The following TENM1 variants were observed in gnomAD, a reference collection of about 807,000 sequenced individuals.
The protein encoded by TENM1 is teneurin-1.
Under a neutral mutation model 174.8 loss-of-function variants are expected in TENM1, and 35 were observed. The ratio of observed to expected loss-of-function variants is 0.20; its 90% CI spans 0.15 to 0.27. TENM1 has a LOEUF of 0.27. Among genes scored for constraint, TENM1 ranks in the 10% least tolerant of loss-of-function variants. The pLI, the probability that TENM1 is intolerant of heterozygous loss-of-function variation, is 1.00. For missense variants in TENM1, 1,633 were observed against 2,130.1 expected (o/e 0.77, Z 4.59); for synonymous variants, 781 against 798.7 (o/e 0.98, Z 0.37).
chrX:124,975,394 T>C, the TENM1 span, among the ~76,000 whole-genome samples: 13 of 112,059 alleles, frequency 1.2e-4, no homozygotes, highest in Non-Finnish European at 1.3e-4. Flanking sequence ...AATTTTATAG[T>C]AATTTTAGCA....
intron 3 of TENM1, among the ~76,000 whole-genome samples, chrX:124,893,781 G>T (rs757165769): frequency 2.8e-5 from 3 of 106,390 alleles, no homozygotes; most frequent in African/African-American, 1.2e-4. Flanking sequence ...TTACAGAAGA[G>T]AATGAACATT....
intron 11 of TENM1, among the ~76,000 whole-genome samples, chrX:124,582,326 C>T (rs2049340383): frequency 9.0e-6 from 1 of 111,196 alleles, no homozygotes; most frequent in Non-Finnish European, 1.9e-5. Flanking sequence ...TTGTTTTTTC[C>T]TTGTTCAATT....
In TENM1 at chrX:124,402,095, T is replaced by G. The variant is rs1176589620; in HGVS notation, c.5391+2936A>C. ...ACCTGCATTTTAGCTCTGGCTCTGA[T>G]CCTTAATAGCTGGTTGACTTTGGGC... On this transcript the variant is annotated intron_variant, in intron 27 of 31. Coordinates refer to ENST00000422452, the Ensembl canonical transcript of TENM1. Among the ~76,000 whole-genome samples, 3 of 112,165 alleles carry G rather than the reference T, an allele frequency of 2.7e-5. No homozygotes were observed. The South Asian group carries it at 1.1e-3, about 42-fold the overall frequency.
intron 11 of TENM1, among the ~76,000 whole-genome samples, chrX:124,580,508 A>G (rs2049278603): frequency 1.8e-5 from 2 of 109,418 alleles, no homozygotes; most frequent in South Asian, 7.9e-4. Context: ...ATGTGTGTGT[A>G]TATATATGCA....
At chrX:124,805,582 C>T (rs945651130) in intron 3 of TENM1, among the ~76,000 whole-genome samples, 1 of 112,783 alleles carries the variant, frequency 8.9e-6, no homozygotes, top group African/African-American at 3.2e-5. Context: ...CAATGTGTGT[C>T]CCTGCTGGAT....
chrX:124,572,431 G>A (rs1367055449), intron 11 of TENM1, among the ~76,000 whole-genome samples: 2 of 111,358 alleles, frequency 1.8e-5, no homozygotes, highest in Non-Finnish European at 3.8e-5. Context: ...CTAAAAGATA[G>A]CTTACTGAGT....
rs763650152 is a variant in TENM1, at chrX:124,384,399, G to A, written c.6532C>T (p.Arg2178Cys). 6.6e-6 allele frequency: 8 copies of A among 1,208,594 alleles called. No homozygotes were observed. The highest frequency in any genetic ancestry group is 4.4e-5 in the Admixed American group (2 of 45,638). ...TTTCCATTCAGATCGTAACTATAAC[G>A]CCACTGGGTTTTGTCATTTACAGAA... Residue 2178 changes from arginine (R) to cysteine (C), a missense_variant, in exon 30 of 32, where the codon CGT becomes TGT. Arg to Cys is a radical substitution (Grantham distance 180, BLOSUM62 -3). Transcript: ENST00000422452.
intron 1 of TENM1, among the ~76,000 whole-genome samples, chrX:124,952,992 G>A (rs1030095049): frequency 2.7e-5 from 3 of 111,240 alleles, no homozygotes; most frequent in Non-Finnish European, 5.7e-5. Flanking sequence ...TTTATCTTCC[G>A]TCACCTCTAG....
the TENM1 span, among the ~76,000 whole-genome samples, chrX:125,035,525 C>T: frequency 9.0e-6 from 1 of 110,999 alleles, no homozygotes; most frequent in South Asian, 3.8e-4. Flanking sequence ...GCCCAACATC[C>T]AAAACTCTGC....
the TENM1 span, among the ~76,000 whole-genome samples, chrX:125,116,538 TA>T: frequency 1.8e-5 from 2 of 111,186 alleles, no homozygotes; most frequent in Admixed American, 9.5e-5. Flanking sequence ...AATTTACAAG[TA>T]AAAAACAAAC....
the TENM1 span, among the ~76,000 whole-genome samples, chrX:125,169,185 C>T: frequency 2.7e-5 from 3 of 111,120 alleles, no homozygotes; most frequent in African/African-American, 9.8e-5. Context: ...GTAACTCCCG[C>T]TAAAGCTGTT....
At position 124,637,119 on chromosome X, in the gene TENM1, C is replaced by A. The variant is rs746814775; in HGVS notation, c.2077+4672G>T. 3.0e-5 allele frequency among the ~76,000 whole-genome samples: 3 copies of A among 99,818 alleles called. No homozygotes were observed. In the South Asian group the frequency reaches 1.4e-3, roughly 48 times the overall value. 86.7% of individuals were successfully genotyped at this position (99,818 alleles called of 115,157 possible). On this transcript the variant is annotated intron_variant, in intron 11 of 31. Transcript: ENST00000422452. ...TTTTTTTTTTTTTGTGACGGAGTTT[C>A]GCTCTTGTTGCCCAGGCTGGAGCGC...
the TENM1 span, among the ~76,000 whole-genome samples, chrX:124,976,522 A>G: frequency 1.8e-5 from 2 of 112,154 alleles, no homozygotes; most frequent in African/African-American, 6.5e-5. Context: ...GATCCTACAG[A>G]GCATCTGAAA....
At chrX:125,120,137 C>T in the TENM1 span, among the ~76,000 whole-genome samples, 3 of 111,619 alleles carry the variant, frequency 2.7e-5, no homozygotes, top group East Asian at 8.4e-4. Context: ...AGACTTTTTC[C>T]AGATTAACCC....
chrX:124,987,897 T>C, the TENM1 span, among the ~76,000 whole-genome samples: 2 of 111,467 alleles, frequency 1.8e-5, no homozygotes, highest in Admixed American at 9.6e-5. Context: ...AGCATTTACA[T>C]TGATACCTGG....
rs2058657368 is a variant in TENM1 at position 124,961,725 on chromosome X, G to C, written c.217+1812C>G. Among the ~76,000 whole-genome samples, 4 of 111,753 alleles carry C rather than the reference G, an allele frequency of 3.6e-5. No homozygotes were observed. The Admixed American group carries it at 3.8e-4, about 11-fold the overall frequency. On this transcript the variant is annotated intron_variant, in intron 1 of 31. Transcript: ENST00000422452. ...CAGTGAAACAGTGATGATGTTGGGGGTGATGGTGAGGCAAGGATTCAGTGG... is the reference window on the plus strand; with the variant it reads ...CAGTGAAACAGTGATGATGTTGGGGCTGATGGTGAGGCAAGGATTCAGTGG...
chrX:124,383,784 T>C, exon 30 of TENM1: 1 of 1,210,797 alleles, frequency 8.3e-7, no homozygotes, highest in African/African-American at 1.7e-5. Flanking sequence ...TCATAATCCC[T>C]TTGCCCCAGG....
At chrX:124,998,463 T>G in the TENM1 span, among the ~76,000 whole-genome samples, 1 of 104,478 alleles carries the variant, frequency 9.6e-6, no homozygotes, top group African/African-American at 3.8e-5. Flanking sequence ...GAAAAGAAGG[T>G]GAACAAGTAT....
chrX:124,384,976 G>C, intron 29 of TENM1, 122 bp from the exon 33 acceptor site: 10 of 567,672 alleles, frequency 1.8e-5, no homozygotes, highest in Non-Finnish European at 2.6e-5. Flanking sequence ...ATTAGAGACT[G>C]ATCTCTGATA....
Sources: gnomAD v4.1 joint callset for allele counts (sites outside exome capture counted in the v4.1 genomes callset) on GRCh38, gnomAD v4.1.1 for gene constraint, MANE v1.5 for transcripts, NCBI Gene and HGNC (gene_info 2026-07-23, HGNC 2026-07-21) for gene names.